The following TCF7L2 variants were observed in gnomAD, a reference collection of about 807,000 sequenced individuals.
TCF7L2 encodes transcription factor 7-like 2.
A neutral mutation model predicts 77.9 loss-of-function variants in TCF7L2; 23 were observed. The observed-to-expected ratio is 0.30, with a 90% CI of 0.21 to 0.42. The LOEUF is 0.42. TCF7L2 is among the 10% of genes least tolerant of loss of function. The pLI, the probability that TCF7L2 is intolerant of heterozygous loss-of-function variation, is 1.00. For synonymous variants in TCF7L2, 413 were observed against 340.2 expected, an observed-to-expected ratio of 1.21 and a Z score of -2.36; for missense variants, 654 against 793.1, an observed-to-expected ratio of 0.82 and a Z score of 2.11.
chr10:113,001,714 C>T (rs201856219), intron 4 of TCF7L2, among the ~76,000 whole-genome samples: 1 of 152,166 alleles, frequency 6.6e-6, no homozygotes, highest in East Asian at 1.9e-4. Context: ...CCAACTCACC[C>T]TTGATCATAC....
chr10:113,095,982 G>A (rs1202271758), intron 5 of TCF7L2, among the ~76,000 whole-genome samples: 1 of 152,158 alleles, frequency 6.6e-6, no homozygotes, highest in Non-Finnish European at 1.5e-5. Context: ...TGGGCCTTTG[G>A]TGTGTGACAT....
At chr10:113,140,841 A>G (rs2068238579) in intron 5 of TCF7L2, among the ~76,000 whole-genome samples, 1 of 152,116 alleles carries the variant, frequency 6.6e-6, no homozygotes, top group African/African-American at 2.4e-5. Context: ...ACATGTGGAA[A>G]CGCAGTAGGC....
At chr10:113,019,915 G>GT (rs1183035380) in intron 4 of TCF7L2, among the ~76,000 whole-genome samples, 1 of 151,992 alleles carries the variant, frequency 6.6e-6, no homozygotes. Flanking sequence ...GCAGGTTTAC[G>GT]TTATGTTAAA....
At chr10:113,006,407 G>C (rs1025084544) in intron 4 of TCF7L2, among the ~76,000 whole-genome samples, 1 of 152,156 alleles carries the variant, frequency 6.6e-6, no homozygotes, top group African/African-American at 2.4e-5. Context: ...CACGCTGGAG[G>C]ATCAGGCAGC....
chr10:113,108,305 G>A (rs886688937), intron 5 of TCF7L2, among the ~76,000 whole-genome samples: 4 of 152,108 alleles, frequency 2.6e-5, no homozygotes, highest in African/African-American at 4.8e-5. Context: ...GTGGGGAATC[G>A]CTTTTGTCCC....
intron 4 of TCF7L2, among the ~76,000 whole-genome samples, chr10:112,972,138 C>A (rs2038410455): frequency 6.6e-6 from 1 of 152,082 alleles, no homozygotes. Context: ...ATCAATTGAT[C>A]ATTTATTGGC....
chr10:113,042,949 T>G (rs1320043083), intron 5 of TCF7L2, among the ~76,000 whole-genome samples: 1 of 152,190 alleles, frequency 6.6e-6, no homozygotes. Context: ...CTAACTTTTC[T>G]CCAGACACTT....
At chr10:113,038,514 G>A (rs184356298) in intron 4 of TCF7L2, among the ~76,000 whole-genome samples, 14 of 152,160 alleles carry the variant, frequency 9.2e-5, no homozygotes, top group Admixed American at 2.6e-4. Context: ...CCAAGCAGTC[G>A]TATCTTCGAG....
intron 3 of TCF7L2, among the ~76,000 whole-genome samples, chr10:112,955,868 A>T (rs1017499367): frequency 6.6e-6 from 1 of 152,150 alleles, no homozygotes; most frequent in Non-Finnish European, 1.5e-5. Flanking sequence ...GAAAACTAGC[A>T]TTTTAATAGT....
chr10:113,098,049 C>CAAAA (rs34632183), intron 5 of TCF7L2, among the ~76,000 whole-genome samples: 142 of 59,354 alleles, frequency 2.4e-3, no homozygotes, highest in Non-Finnish European at 3.6e-3. Flanking sequence ...GACTCTGTCT[C>CAAAA]AAAAAAAAAA....
intron 13 of TCF7L2, among the ~76,000 whole-genome samples, chr10:113,165,313 G>A (rs1052149092): frequency 5.3e-5 from 8 of 152,156 alleles, no homozygotes; most frequent in Admixed American, 5.2e-4. Context: ...GGGGTTGGGG[G>A]AAGCAAGTAG....
At chr10:113,118,543 G>GTGTT (rs1156853075) in intron 5 of TCF7L2, among the ~76,000 whole-genome samples, 4 of 151,664 alleles carry the variant, frequency 2.6e-5, no homozygotes, top group African/African-American at 4.8e-5. Flanking sequence ...GTGTGTGTGT[G>GTGTT]TGTGTGTGTG....
chr10:113,116,279 A>G (rs911831205), intron 5 of TCF7L2, among the ~76,000 whole-genome samples: 60 of 152,292 alleles, frequency 3.9e-4, no homozygotes, highest in African/African-American at 1.3e-3. Flanking sequence ...CATAGATTTG[A>G]TACTCTCAAG....
At position 113,066,476 on chromosome 10, in the gene TCF7L2, G is replaced by A. The variant is rs139085043; in HGVS notation, c.552+26350G>A. Reference sequence around the variant, plus strand: ...CCATATGCATCTGAATTTCAGATGCGTAAAAATGTAGAAACAATGCGAGTC... The same window carrying A: ...CCATATGCATCTGAATTTCAGATGCATAAAAATGTAGAAACAATGCGAGTC... On this transcript the variant is annotated intron_variant, in intron 5 of 13. Transcript: ENST00000627217. 9.9e-5 allele frequency among the ~76,000 whole-genome samples: 15 copies of A among 152,262 alleles called. No homozygotes were observed. The East Asian group carries it at 1.3e-3, about 14-fold the overall frequency.
Position 112,970,996 on chromosome 10 carries a change from T to G in TCF7L2, c.450+6372T>G, listed in dbSNP as rs546076101. ...ATAGAACCTGTGGATGGCAGGTAAC[T>G]TGCTCAAGAGGTTCATTGACTTGCT... On this transcript the variant is annotated intron_variant, in intron 4 of 13. Coordinates refer to ENST00000627217, the MANE Select transcript of TCF7L2 (RefSeq NM_001146274.2). Among the ~76,000 whole-genome samples the G allele has an allele frequency of 2.6e-5, 4 of 152,344 alleles. No homozygotes were observed. In the South Asian group the frequency reaches 8.3e-4, roughly 32 times the overall value.
chr10:113,116,676 C>T (rs989387282), intron 5 of TCF7L2, among the ~76,000 whole-genome samples: 1 of 138,656 alleles, frequency 7.2e-6, no homozygotes, highest in African/African-American at 2.7e-5. Context: ...GCATCCTACA[C>T]ATTTGGGCCT....
intron 5 of TCF7L2, among the ~76,000 whole-genome samples, chr10:113,097,413 G>T (rs1464077716): frequency 2.0e-5 from 3 of 152,126 alleles, no homozygotes; most frequent in African/African-American, 7.2e-5. Flanking sequence ...AGCACTTTGG[G>T]AAGCCAAGGC....
intron 5 of TCF7L2, among the ~76,000 whole-genome samples, chr10:113,070,269 T>TATATATATA: frequency 8.1e-6 from 1 of 124,118 alleles, no homozygotes; most frequent in Non-Finnish European, 1.6e-5. Context: ...AAAAAAAAAT[T>TATATATATA]TATATATATA....
intron 5 of TCF7L2, among the ~76,000 whole-genome samples, chr10:113,077,347 C>T (rs1393033870): frequency 6.6e-6 from 1 of 152,146 alleles, no homozygotes; most frequent in Non-Finnish European, 1.5e-5. Context: ...TAAGTTTAGT[C>T]ACATACCATG....
Sources: gnomAD v4.1 joint callset for allele counts (sites outside exome capture counted in the v4.1 genomes callset) on GRCh38, gnomAD v4.1.1 for gene constraint, MANE v1.5 for transcripts, NCBI Gene and HGNC (gene_info 2026-07-23, HGNC 2026-07-21) for gene names.